The following SPECC1 variants were observed in gnomAD, a reference collection of about 807,000 sequenced individuals.
The protein encoded by SPECC1 is sperm antigen with calponin homology and coiled-coil domains 1.
A neutral mutation model predicts 104.1 loss-of-function variants in SPECC1; 62 were observed. That is an observed-to-expected ratio of 0.60 (90% CI 0.49 to 0.74). SPECC1 has a LOEUF of 0.74. SPECC1 is among the 30% of genes least tolerant of loss of function. SPECC1 has a pLI of 0.00. For missense variants in SPECC1, 1,306 were observed against 1,310.5 expected, an observed-to-expected ratio of 1.00 and a Z score of 0.05; for synonymous variants, 513 against 501.6, an observed-to-expected ratio of 1.02 and a Z score of -0.30.
intron 3 of SPECC1, among the ~76,000 whole-genome samples, chr17:20,125,236 A>G (rs1045196932): frequency 6.6e-6 from 1 of 152,152 alleles, no homozygotes; most frequent in Non-Finnish European, 1.5e-5. Flanking sequence ...TTTTCCATCA[A>G]CCTAATTTAC....
chr17:20,277,235 A>C (rs1003909118), intron 12 of SPECC1, among the ~76,000 whole-genome samples: 1 of 152,148 alleles, frequency 6.6e-6, no homozygotes, highest in African/African-American at 2.4e-5. Context: ...ACTGAGCCTC[A>C]CGGTAGCAGG....
chr17:20,177,320 A>G (rs897622344), intron 3 of SPECC1, among the ~76,000 whole-genome samples: 1 of 152,220 alleles, frequency 6.6e-6, no homozygotes, highest in Non-Finnish European at 1.5e-5. Context: ...CTGTAAAGAG[A>G]GGGGAGCCAG....
At chr17:20,064,369 C>T (rs1353509890) in intron 1 of SPECC1, among the ~76,000 whole-genome samples, 1 of 152,188 alleles carries the variant, frequency 6.6e-6, no homozygotes. Context: ...CTTGTTCTTT[C>T]CCCAAATTAG....
intron 1 of SPECC1, among the ~76,000 whole-genome samples, chr17:20,094,568 T>C (rs1471583654): frequency 1.3e-5 from 2 of 152,124 alleles, no homozygotes; most frequent in Non-Finnish European, 2.9e-5. Flanking sequence ...GGGCAATAAA[T>C]AAAAGGCATT....
intron 3 of SPECC1, among the ~76,000 whole-genome samples, chr17:20,155,050 G>A (rs908365330): frequency 6.6e-5 from 10 of 152,168 alleles, no homozygotes; most frequent in African/African-American, 2.2e-4. Flanking sequence ...GAACCAGCCT[G>A]GAGATATGTA....
At chr17:20,304,352 A>G (rs1262667161) in intron 13 of SPECC1, among the ~76,000 whole-genome samples, 5 of 152,064 alleles carry the variant, frequency 3.3e-5, no homozygotes, top group African/African-American at 9.7e-5. Context: ...TTATATCTCA[A>G]TTATACTTAA....
intron 3 of SPECC1, among the ~76,000 whole-genome samples, chr17:20,161,984 G>A (rs2033199113): frequency 1.3e-5 from 2 of 151,420 alleles, no homozygotes; most frequent in African/African-American, 4.9e-5. Flanking sequence ...TAGTAGAGAC[G>A]GGGTTTCGCC....
At position 20,282,641 on chromosome 17, in the gene SPECC1, A is replaced by C. The variant is rs548064283; in HGVS notation, c.2941-14320A>C. On this transcript the variant is annotated intron_variant, in intron 12 of 14. Coordinates refer to ENST00000395527, the MANE Select transcript of SPECC1 (RefSeq NM_001243439.2). ...TTGCCCTGCCTGACTGGAAAGGTGC[A>C]ATGAAGCCACGGCAGAGGAGACCCC... 5.3e-5 allele frequency among the ~76,000 whole-genome samples: 8 copies of C among 152,292 alleles called. No homozygotes were observed. In the East Asian group the frequency reaches 1.5e-3, roughly 29 times the overall value.
At chr17:20,208,406 G>A (rs977131225) in intron 4 of SPECC1, among the ~76,000 whole-genome samples, 2 of 152,172 alleles carry the variant, frequency 1.3e-5, no homozygotes, top group African/African-American at 4.8e-5. Flanking sequence ...CATTACTGTA[G>A]AAAAAGCAAA....
At position 20,152,260 on chromosome 17, in the gene SPECC1, A is replaced by G. The variant is rs1042049846; in HGVS notation, c.283+41698A>G. ...GATTGCAGTGAGCTGAGATCACGCT[A>G]TTGCACTCCAGCCTGGGCAACAGAG... is the stretch of plus-strand genomic sequence containing the variant. On this transcript the variant is annotated intron_variant, in intron 3 of 14. Coordinates refer to ENST00000395527, the MANE Select transcript of SPECC1 (RefSeq NM_001243439.2). Among the ~76,000 whole-genome samples, 10 of 152,314 alleles carry G rather than the reference A, an allele frequency of 6.6e-5. 1 individual carries two copies. The highest frequency in any genetic ancestry group is 3.9e-4 in the East Asian group (2 of 5,182).
At chr17:20,029,349 T>C (rs974852499) in intron 1 of SPECC1, among the ~76,000 whole-genome samples, 1 of 152,228 alleles carries the variant, frequency 6.6e-6, no homozygotes, top group African/African-American at 2.4e-5. Context: ...AATAGATTTT[T>C]GTATATTGGT....
chr17:20,034,232 G>A (rs1405939856), intron 1 of SPECC1, among the ~76,000 whole-genome samples: 1 of 151,832 alleles, frequency 6.6e-6, no homozygotes. Context: ...TCAGTAGCTG[G>A]GATTACAGGC....
intron 4 of SPECC1, among the ~76,000 whole-genome samples, chr17:20,213,541 C>T (rs2037297388): frequency 6.6e-6 from 1 of 152,200 alleles, no homozygotes; most frequent in East Asian, 1.9e-4. Flanking sequence ...CCTTTGAAAG[C>T]CTTGTTGAAC....
chr17:20,229,816 A>G (rs1030221697), intron 5 of SPECC1, among the ~76,000 whole-genome samples: 2 of 152,262 alleles, frequency 1.3e-5, no homozygotes, highest in Non-Finnish European at 2.9e-5. Context: ...TGGATTTGTG[A>G]GATGACAGCC....
At chr17:20,031,339 G>A (rs1344079126) in intron 1 of SPECC1, among the ~76,000 whole-genome samples, 1 of 151,746 alleles carries the variant, frequency 6.6e-6, no homozygotes, top group Non-Finnish European at 1.5e-5. Flanking sequence ...TATTTTTTGA[G>A]ACGGAGTTTT....
chr17:20,156,223 G>C (rs2032492992), intron 3 of SPECC1: 1 of 1,412,932 alleles, frequency 7.1e-7, no homozygotes, highest in African/African-American at 1.5e-5. Context: ...GACGGCCCGA[G>C]GATCCGGAAC....
At chr17:20,088,300 T>A (rs1239841311) in intron 1 of SPECC1, among the ~76,000 whole-genome samples, 1 of 152,128 alleles carries the variant, frequency 6.6e-6, no homozygotes, top group African/African-American at 2.4e-5. Context: ...CTTAACCATT[T>A]TTAAGTGGAC....
intron 12 of SPECC1, among the ~76,000 whole-genome samples, chr17:20,281,329 A>G (rs1404195956): frequency 2.0e-5 from 3 of 152,238 alleles, no homozygotes; most frequent in Non-Finnish European, 4.4e-5. Context: ...CTGGGCTCCC[A>G]GAACTCCATG....
intron 3 of SPECC1, among the ~76,000 whole-genome samples, chr17:20,183,168 C>T (rs1223982166): frequency 1.3e-5 from 2 of 152,134 alleles, no homozygotes; most frequent in Non-Finnish European, 2.9e-5. Context: ...CAGAGAAATG[C>T]ACATCAAAAG....
Sources: allele counts gnomAD v4.1 joint callset (sites outside exome capture counted in the v4.1 genomes callset), GRCh38; gene constraint gnomAD v4.1.1; transcripts MANE v1.5; gene names NCBI Gene and HGNC (gene_info 2026-07-23, HGNC 2026-07-21).